MYH15: variants seen among roughly 807,000 people sequenced by gnomAD.
MYH15 encodes myosin heavy chain 15.
Under a neutral mutation model 240.5 loss-of-function variants are expected in MYH15, and 227 were observed. That is an observed-to-expected ratio of 0.94 (90% CI 0.85 to 1.05). MYH15 has a LOEUF of 1.05. Among genes scored for constraint, MYH15 ranks in the 50% least tolerant of loss-of-function variants. The pLI is 0.00. For synonymous variants in MYH15, 785 were observed against 796.7 expected (o/e 0.99, Z 0.25); for missense variants, 2,217 against 2,247.5 (o/e 0.99, Z 0.27).
intron 26 of MYH15, among the ~76,000 whole-genome samples, chr3:108,429,959 AG>A (rs1295781205): frequency 6.6e-6 from 1 of 152,214 alleles, no homozygotes; most frequent in African/African-American, 2.4e-5. Flanking sequence ...TAATCTTTAG[AG>A]AACTTTTTGA....
chr3:108,426,344 C>T (rs1438798542), intron 27 of MYH15, among the ~76,000 whole-genome samples: 1 of 152,076 alleles, frequency 6.6e-6, no homozygotes, highest in Non-Finnish European at 1.5e-5. Context: ...TTTGTGGCTG[C>T]CCCACCCACA....
rs2107567786 is a variant in MYH15 at position 108,439,758 on chromosome 3, C to A, written c.3054G>T (p.Lys1018Asn). ...TGACCTCATCAACTTGCTGTTCCAGCTTCAGATTTGCTTTGCTCAGGCTGC... is the reference window on the plus strand; with the variant it reads ...TGACCTCATCAACTTGCTGTTCCAGATTCAGATTTGCTTTGCTCAGGCTGC... ...KLSSLSKANL[K>N]LEQQVDELEG... The change falls in exon 24 of 41, where the codon AAG becomes AAT. Residue 1018 changes from lysine (K) to asparagine (N), a missense_variant. Physicochemically the swap from Lys to Asn is moderately conservative, Grantham distance 94. Coordinates refer to ENST00000693548, the MANE Select transcript of MYH15 (RefSeq NM_014981.3). The A allele has an allele frequency of 6.2e-7, 1 of 1,605,580 alleles. No homozygotes were observed. Among genetic ancestry groups the A allele is most frequent in the Non-Finnish European group, 8.5e-7 (1 of 1,176,532 alleles).
intron 14 of MYH15, among the ~76,000 whole-genome samples, chr3:108,467,559 T>C (rs1325317611): frequency 6.6e-6 from 1 of 152,172 alleles, no homozygotes; most frequent in Non-Finnish European, 1.5e-5. Context: ...TTGAGGCTGG[T>C]AAAATTCTAA....
Position 108,492,615 on chromosome 3 carries a change from T to A in MYH15, c.776-20A>T. 1.3e-6 allele frequency: 2 copies of A among 1,576,862 alleles called. No individual in the cohort carries two copies. The highest frequency in any genetic ancestry group is 1.7e-6 in the Non-Finnish European group (2 of 1,148,100). On this transcript the variant is annotated intron_variant, in intron 8 of 40. Transcript: ENST00000693548. ...GCAAATCTGGATGATGAGAAATGAATAAAAATTCATACTTAGGCATTCTTG... is the reference window on the plus strand; with the variant it reads ...GCAAATCTGGATGATGAGAAATGAAAAAAAATTCATACTTAGGCATTCTTG...
intron 30 of MYH15, among the ~76,000 whole-genome samples, chr3:108,411,719 C>A (rs1200925109): frequency 6.6e-6 from 1 of 152,214 alleles, no homozygotes; most frequent in Non-Finnish European, 1.5e-5. Flanking sequence ...ATTCATTATA[C>A]TTCTTAGATG....
intron 11 of MYH15, among the ~76,000 whole-genome samples, chr3:108,484,012 T>C (rs561270665): frequency 2.0e-5 from 3 of 152,208 alleles, no homozygotes; most frequent in Admixed American, 1.3e-4. Context: ...CATTGCTAAT[T>C]ACACAACAAT....
At chr3:108,489,372 A>C (rs185925202) in intron 9 of MYH15, among the ~76,000 whole-genome samples, 1 of 152,324 alleles carries the variant, frequency 6.6e-6, no homozygotes, top group Non-Finnish European at 1.5e-5. Flanking sequence ...ACAATAAATA[A>C]ATAGAAAGAA....
chr3:108,491,849 ACACTCTTCCTCCTACCAGAAGTAGCCTC>A (rs900156425), intron 9 of MYH15, among the ~76,000 whole-genome samples: 2 of 152,026 alleles, frequency 1.3e-5, no homozygotes, highest in African/African-American at 4.8e-5. Context: ...AACATTGTGT[ACACTCTTCCTCCTACCAGAAGTAGCCTC>A]CACTCTTCAC....
chr3:108,447,312 C>CA (rs1377263916), intron 21 of MYH15, among the ~76,000 whole-genome samples: 1 of 151,980 alleles, frequency 6.6e-6, no homozygotes, highest in Non-Finnish European at 1.5e-5. Flanking sequence ...TTTAAAGAAA[C>CA]AATGACAGAA....
At chr3:108,457,805 G>A (rs1011371712) in intron 18 of MYH15, among the ~76,000 whole-genome samples, 7 of 152,260 alleles carry the variant, frequency 4.6e-5, no homozygotes, top group African/African-American at 1.7e-4. Context: ...AGGCTGAGGC[G>A]GGCAGGTCAC....
chr3:108,474,458 T>A (rs13087977), intron 12 of MYH15, among the ~76,000 whole-genome samples: 2 of 150,726 alleles, frequency 1.3e-5, no homozygotes, highest in African/African-American at 4.9e-5. Context: ...CTCCTTATTT[T>A]TTTTTTTATT....
chr3:108,397,409 T>A (rs1206387302), intron 35 of MYH15, among the ~76,000 whole-genome samples: 3 of 152,234 alleles, frequency 2.0e-5, no homozygotes, highest in East Asian at 3.8e-4. Flanking sequence ...AGAAGAAGCA[T>A]ACTGTGCAGC....
At chr3:108,549,355 AT>A in the MYH15 span, among the ~76,000 whole-genome samples, 3 of 152,010 alleles carry the variant, frequency 2.0e-5, no homozygotes, top group East Asian at 5.8e-4. Context: ...AACAGAAACA[AT>A]ATGAAAGGTG....
rs2083085288 is a variant in MYH15, at chr3:108,463,156, T to C, written c.1819A>G (p.Arg607Gly). The change falls in exon 16 of 41, where the codon AGA becomes GGA. Residue 607 changes from arginine (R) to glycine (G), a missense_variant. Physicochemically the swap from Arg to Gly is moderately radical, Grantham distance 125 (BLOSUM62 -2). Transcript: ENST00000693548. ...VVAVFQKSSN[R>G]LLASLFENYM... ...TTTTCAAAAAGGCTCGCCAGGAGTC[T>C]GTTGGAAGACTTCTGAAATACAGCT... The C allele has an allele frequency of 6.2e-7, 1 of 1,612,988 alleles. No individual in the cohort carries two copies. The highest frequency in any genetic ancestry group is 8.5e-7 in the Non-Finnish European group (1 of 1,179,584).
intron 1 of MYH15, among the ~76,000 whole-genome samples, chr3:108,524,866 C>T (rs946423174): frequency 2.6e-5 from 4 of 151,940 alleles, no homozygotes; most frequent in African/African-American, 7.2e-5. Flanking sequence ...GGCTTTCATT[C>T]CCCAGGTCAA....
At position 108,410,939 on chromosome 3, in the gene MYH15, AAGG is replaced by A. The variant is rs1444330091; in HGVS notation, c.4146-10_4146-8del. The A allele has an allele frequency of 6.3e-7, 1 of 1,587,210 alleles. No individual in the cohort carries two copies. The highest frequency in any genetic ancestry group is 1.7e-5 in the Admixed American group (1 of 59,186). On this transcript the variant is annotated splice_region_variant and splice_polypyrimidine_tract_variant and intron_variant, in intron 30 of 40. Coordinates refer to ENST00000693548, the MANE Select transcript of MYH15 (RefSeq NM_014981.3). ...TCTAATTGCCAGTTCCTTCCTGAGA[AAGG>A]AGGACACCCAAAGAGTGAGTGAGGC...
intron 21 of MYH15, among the ~76,000 whole-genome samples, chr3:108,453,119 A>G (rs9871745): frequency 0.017 from 2,601 of 152,270 alleles, 72 homozygotes; most frequent in African/African-American, 0.059. Context: ...GCTTCACTTT[A>G]GACATGAAGA....
intron 27 of MYH15, among the ~76,000 whole-genome samples, chr3:108,427,635 C>G (rs201533535): frequency 0.15 from 22,476 of 146,586 alleles, 1,873 homozygotes; most frequent in South Asian, 0.26. Flanking sequence ...CACACACACA[C>G]AGAGAGAGAG....
intron 9 of MYH15, among the ~76,000 whole-genome samples, chr3:108,487,474 A>G (rs904462469): frequency 6.6e-6 from 1 of 152,262 alleles, no homozygotes; most frequent in African/African-American, 2.4e-5. Flanking sequence ...TACGTGCTAG[A>G]ACATGGAAGA....
Sources: allele counts gnomAD v4.1 joint callset (sites outside exome capture counted in the v4.1 genomes callset), GRCh38; gene constraint gnomAD v4.1.1; transcripts MANE v1.5; gene names NCBI Gene and HGNC (gene_info 2026-07-23, HGNC 2026-07-21).